TULP4: variants seen among roughly 807,000 people sequenced by gnomAD.
TULP4 encodes the protein tubby-related protein 4.
A neutral mutation model predicts 129.0 loss-of-function variants in TULP4; 16 were observed. The ratio of observed to expected loss-of-function variants is 0.12; its 90% CI spans 0.08 to 0.19. The LOEUF (loss-of-function observed/expected upper bound fraction) is 0.19. Among genes scored for constraint, TULP4 ranks in the 10% least tolerant of loss-of-function variants. The probability of loss-of-function intolerance (pLI) is 1.00; values close to 1 mark genes in which losing one functional copy is unlikely to be tolerated. For missense variants in TULP4, 1,842 were observed against 2,059.1 expected, an observed-to-expected ratio of 0.89 and a Z score of 2.04; for synonymous variants, 998 against 854.0, an observed-to-expected ratio of 1.17 and a Z score of -2.94.
At chr6:158,274,732 G>A (rs1458424390) in intron 1 of TULP4, among the ~76,000 whole-genome samples, 1 of 151,870 alleles carries the variant, frequency 6.6e-6, no homozygotes, top group Non-Finnish European at 1.5e-5. Context: ...AGCCGAGATT[G>A]CGCCCCTGCA....
intron 1 of TULP4, among the ~76,000 whole-genome samples, chr6:158,390,900 G>C (rs1777568822): frequency 6.6e-6 from 1 of 152,174 alleles, no homozygotes; most frequent in Non-Finnish European, 1.5e-5. Context: ...GGCCAGCCTG[G>C]ACAGCATAGT....
intron 1 of TULP4, among the ~76,000 whole-genome samples, chr6:158,350,056 G>A (rs1361349461): frequency 2.7e-5 from 4 of 148,798 alleles, no homozygotes; most frequent in African/African-American, 1.0e-4. Context: ...CTCCCAGACG[G>A]GGCAGCCGGG....
At chr6:158,435,800 C>T (rs1409882753) in intron 3 of TULP4, among the ~76,000 whole-genome samples, 1 of 152,176 alleles carries the variant, frequency 6.6e-6, no homozygotes, top group Non-Finnish European at 1.5e-5. Flanking sequence ...TTCCTCTCCC[C>T]CCTGCCTCTC....
chr6:158,430,804 C>G (rs1408733189), intron 3 of TULP4, among the ~76,000 whole-genome samples: 3 of 152,080 alleles, frequency 2.0e-5, no homozygotes, highest in Non-Finnish European at 4.4e-5. Flanking sequence ...CTTTATAAAA[C>G]TTGTGTTTTC....
chr6:158,369,386 C>T (rs1175820137), intron 1 of TULP4, among the ~76,000 whole-genome samples: 1 of 152,146 alleles, frequency 6.6e-6, no homozygotes, highest in Non-Finnish European at 1.5e-5. Flanking sequence ...GTAGTGCCAG[C>T]TACTTGGAAG....
intron 1 of TULP4, among the ~76,000 whole-genome samples, chr6:158,335,088 C>G (rs1780001653): frequency 1.3e-5 from 2 of 151,962 alleles, no homozygotes; most frequent in Admixed American, 1.3e-4. Context: ...CCAGCCTGGC[C>G]AACATGGTGA....
chr6:158,243,591 T>G (rs1416607820), intron 1 of TULP4, among the ~76,000 whole-genome samples: 1 of 152,146 alleles, frequency 6.6e-6, no homozygotes, highest in African/African-American at 2.4e-5. Context: ...AAACTGAATT[T>G]TATTCTTTGC....
rs1217034875 is a variant in TULP4, at chr6:158,489,679, T to A, written c.1578T>A (p.Ala526=). 6.2e-7 allele frequency: 1 copy of A among 1,614,224 alleles called. No homozygotes were observed. The highest frequency in any genetic ancestry group is 8.5e-7 in the Non-Finnish European group (1 of 1,180,050). ...SSDIELSDDW[A]AKKSPKISRA... ...ACATTGAGCTGAGTGATGACTGGGCTGCCAAGAAATCTCCCAAAATCTCCA... is the reference window on the plus strand; with the variant it reads ...ACATTGAGCTGAGTGATGACTGGGCAGCCAAGAAATCTCCCAAAATCTCCA... The change falls in exon 9 of 14, where the codon GCT becomes GCA. Residue 526 remains alanine, a synonymous_variant. Transcript: ENST00000367097.
At chr6:158,416,204 G>C (rs888150983) in intron 2 of TULP4, among the ~76,000 whole-genome samples, 12 of 152,238 alleles carry the variant, frequency 7.9e-5, no homozygotes, top group African/African-American at 2.4e-4. Flanking sequence ...CCAGATTGAG[G>C]GGGGGTCTGC....
chr6:158,295,203 G>A (rs1779006723), intron 1 of TULP4, among the ~76,000 whole-genome samples: 1 of 149,896 alleles, frequency 6.7e-6, no homozygotes, highest in Non-Finnish European at 1.5e-5. Context: ...TCCTTTAGAA[G>A]AAATAGAACT....
In TULP4 at chr6:158,331,744, CGTGTATATACACGT is replaced by C. The variant is rs1562523251; in HGVS notation, c.252+17479_252+17492del. Among the ~76,000 whole-genome samples the C allele has an allele frequency of 4.1e-3, 88 of 21,582 alleles. 18 individuals carry two copies. The highest frequency in any genetic ancestry group is 7.7e-3 in the South Asian group (2 of 260). 14.2% of individuals were successfully genotyped at this position (21,582 alleles called of 152,430 possible). On this transcript the variant is annotated intron_variant, in intron 1 of 13. Coordinates refer to ENST00000367097, the MANE Select transcript of TULP4 (RefSeq NM_020245.5). ...ACACACACACATACGTATATATATA[CGTGTATATACACGT>C]GTATATATACACGTATATATACACA...
intron 1 of TULP4, among the ~76,000 whole-genome samples, chr6:158,339,679 G>A (rs998410893): frequency 6.6e-6 from 1 of 152,102 alleles, no homozygotes; most frequent in Non-Finnish European, 1.5e-5. Flanking sequence ...GAGAAATATG[G>A]CTCTGTCCTG....
intron 1 of TULP4, among the ~76,000 whole-genome samples, chr6:158,294,124 A>G (rs9457301): frequency 0.014 from 2,145 of 152,270 alleles, 21 homozygotes; most frequent in Non-Finnish European, 0.021. Flanking sequence ...AGCACTTTGG[A>G]AGACCGAGGC....
chr6:158,340,330 GA>G (rs1213780116), intron 1 of TULP4, among the ~76,000 whole-genome samples: 1 of 152,136 alleles, frequency 6.6e-6, no homozygotes, highest in Non-Finnish European at 1.5e-5. Context: ...CATATTTATT[GA>G]ATTAAGTCCT....
At position 158,361,726 on chromosome 6, in the gene TULP4, C is replaced by T. The variant is rs146375427; in HGVS notation, c.252+47458C>T. Among the ~76,000 whole-genome samples, 848 of 152,270 alleles carry T rather than the reference C, an allele frequency of 5.6e-3. 31 individuals are homozygous for T. Among genetic ancestry groups the T allele is most frequent in the Admixed American group, 0.05 (771 of 15,296 alleles). ...TGTAAGAAGTAAAAGTCTTAGTTTTCCTTCCAGAGAGAACATGTTAGGAAA... is the reference window on the plus strand; with the variant it reads ...TGTAAGAAGTAAAAGTCTTAGTTTTTCTTCCAGAGAGAACATGTTAGGAAA... On this transcript the variant is annotated intron_variant, in intron 1 of 13. Transcript: ENST00000367097.
intron 13 of TULP4, among the ~76,000 whole-genome samples, chr6:158,504,513 ATTTTTTTTTT>A (rs769598967): frequency 2.9e-5 from 4 of 138,928 alleles, no homozygotes; most frequent in Admixed American, 7.1e-5. Context: ...TGCCCGGCTA[ATTTTTTTTTT>A]TTTTTTGTAT....
At chr6:158,366,621 G>A (rs953282754) in intron 1 of TULP4, among the ~76,000 whole-genome samples, 5 of 152,206 alleles carry the variant, frequency 3.3e-5, no homozygotes, top group Admixed American at 1.3e-4. Flanking sequence ...TTTCTGAACA[G>A]TAGAGCTGTG....
At chr6:158,416,815 A>G (rs528642311) in intron 2 of TULP4, among the ~76,000 whole-genome samples, 1 of 152,328 alleles carries the variant, frequency 6.6e-6, no homozygotes, top group Non-Finnish European at 1.5e-5. Context: ...GTGCCCTTTT[A>G]TAGATGAACC....
chr6:158,460,156 G>C (rs1779392762), intron 5 of TULP4, among the ~76,000 whole-genome samples: 1 of 152,158 alleles, frequency 6.6e-6, no homozygotes, highest in Non-Finnish European at 1.5e-5. Context: ...CTGGAAACCT[G>C]TCTTGTCCCA....
Sources: allele counts gnomAD v4.1 joint callset (sites outside exome capture counted in the v4.1 genomes callset), GRCh38; gene constraint gnomAD v4.1.1; transcripts MANE v1.5; gene names NCBI Gene and HGNC (gene_info 2026-07-23, HGNC 2026-07-21).